Variants in ALKBH8 observed in about 807,000 individuals in gnomAD.
ALKBH8 encodes tRNA (carboxymethyluridine(34)-5-O)-methyltransferase ALKBH8.
In ALKBH8, 36 loss-of-function variants were observed where a neutral mutation model predicts 59.8. The observed-to-expected ratio is 0.60, with a 90% confidence interval of 0.46 to 0.79. The LOEUF is 0.79. Ranked by LOEUF, ALKBH8 falls within the 30% of genes least tolerant of loss-of-function variation. The probability of loss-of-function intolerance (pLI) is 0.00; values close to 1 mark genes in which losing one functional copy is unlikely to be tolerated. For synonymous variants in ALKBH8, 276 were observed against 273.6 expected (o/e 1.01, Z -0.09); for missense variants, 768 against 801.0 (o/e 0.96, Z 0.50).
intron 5 of ALKBH8, among the ~76,000 whole-genome samples, chr11:107,552,157 T>A (rs1286671585): frequency 6.6e-6 from 1 of 151,970 alleles, no homozygotes; most frequent in Non-Finnish European, 1.5e-5. Flanking sequence ...GTTTTGGTAT[T>A]TTATAAAATA....
intron 10 of ALKBH8, among the ~76,000 whole-genome samples, chr11:107,518,328 C>G (rs945241332): frequency 1.3e-5 from 2 of 152,190 alleles, no homozygotes; most frequent in Admixed American, 1.3e-4. Context: ...CAGAGTCTCA[C>G]TCTGTCACCC....
intron 1 of ALKBH8, 191 bp downstream of exon 1, chr11:107,565,410 A>G: frequency 1.4e-6 from 1 of 694,306 alleles, no homozygotes; most frequent in Non-Finnish European, 2.4e-6. Context: ...CATGCACCCT[A>G]AACACTGAGA....
chr11:107,549,260 A>G (rs1349994356), intron 7 of ALKBH8, among the ~76,000 whole-genome samples: 1 of 152,214 alleles, frequency 6.6e-6, no homozygotes, highest in African/African-American at 2.4e-5. Flanking sequence ...AAACAAATCA[A>G]TGAATAAACA....
chr11:107,521,622 A>T (rs529585113), intron 10 of ALKBH8, among the ~76,000 whole-genome samples: 1 of 152,172 alleles, frequency 6.6e-6, no homozygotes, highest in Non-Finnish European at 1.5e-5. Flanking sequence ...ACAATACACT[A>T]AAACAAGAAT....
At chr11:107,548,429 C>T (rs1864355069) in intron 7 of ALKBH8, among the ~76,000 whole-genome samples, 1 of 152,190 alleles carries the variant, frequency 6.6e-6, no homozygotes, top group Non-Finnish European at 1.5e-5. Context: ...TCTCATTTCT[C>T]AGTTGGTTAC....
chr11:107,529,577 T>C (rs928416576), intron 8 of ALKBH8, among the ~76,000 whole-genome samples: 1 of 151,942 alleles, frequency 6.6e-6, no homozygotes, highest in Non-Finnish European at 1.5e-5. Context: ...CGATCTTGGC[T>C]CACTGCAACC....
In ALKBH8 at chr11:107,549,792, A is replaced by T. The variant is rs999337532; in HGVS notation, c.732T>A (p.Ala244=). ...GIPAHIDTHS[A]FEDEIVSLSL... ...TGAGAGAAACGATCTCATCCTCAAA[A>T]GCGGAATGTGTATCAATATGAGCGG... The change falls in exon 7 of 12, where the codon GCT becomes GCA. Residue 244 remains alanine, a synonymous_variant. Transcript: ENST00000428149. 6.4e-7 allele frequency: 1 copy of T among 1,550,444 alleles called. No homozygotes were observed. Among genetic ancestry groups the T allele is most frequent in the Admixed American group, 2.0e-5 (1 of 50,980 alleles).
intron 3 of ALKBH8, among the ~76,000 whole-genome samples, chr11:107,555,501 C>T (rs1055550055): frequency 6.6e-6 from 1 of 152,144 alleles, no homozygotes; most frequent in East Asian, 1.9e-4. Context: ...ACTCAGTTTT[C>T]AAAAACTGAC....
chr11:107,523,063 A>G (rs1330725417), intron 9 of ALKBH8, among the ~76,000 whole-genome samples: 1 of 152,080 alleles, frequency 6.6e-6, no homozygotes, highest in East Asian at 1.9e-4. Flanking sequence ...AAAAAAAAAA[A>G]AAATTAAAAA....
At chr11:107,565,551 G>A (rs2135608643) in intron 1 of ALKBH8, 50 bp downstream of exon 1, 1 of 1,535,466 alleles carries the variant, frequency 6.5e-7, no homozygotes, top group Admixed American at 2.0e-5. Flanking sequence ...CTGAAAAGAG[G>A]AAGCGGTGAT....
chr11:107,515,537 T>C (rs1862826743), intron 10 of ALKBH8, among the ~76,000 whole-genome samples: 1 of 152,124 alleles, frequency 6.6e-6, no homozygotes, highest in Non-Finnish European at 1.5e-5. Context: ...TAAATTTCTT[T>C]GCAGAGTCAA....
chr11:107,508,294 T>A (rs1167808884), intron 11 of ALKBH8, among the ~76,000 whole-genome samples: 2 of 151,766 alleles, frequency 1.3e-5, no homozygotes, highest in Non-Finnish European at 2.9e-5. Context: ...TGTCTCAGTC[T>A]CCTGAGTAGC....
At chr11:107,508,716 T>C (rs1862499073) in intron 11 of ALKBH8, among the ~76,000 whole-genome samples, 1 of 152,212 alleles carries the variant, frequency 6.6e-6, no homozygotes, top group South Asian at 2.1e-4. Flanking sequence ...TTTCTGTCTC[T>C]ATGAATTTAA....
intron 10 of ALKBH8, among the ~76,000 whole-genome samples, chr11:107,516,845 G>A (rs934028283): frequency 6.6e-6 from 1 of 152,106 alleles, no homozygotes; most frequent in African/African-American, 2.4e-5. Flanking sequence ...GGGCAACATG[G>A]CAAAACCTCA....
chr11:107,525,586 C>T lies in ALKBH8; in HGVS notation c.885G>A (p.Thr295=), dbSNP rs1013416959. Residue 295 remains threonine (T), a synonymous_variant, in exon 9 of 12, where the codon ACG becomes ACA. Transcript: ENST00000428149. Reference sequence around the variant, plus strand: ...CTTGAACAGTATCAAATTTTCTGCACGTGATTCTAAAAACAATAGTCAAAA... The same window carrying T: ...CTTGAACAGTATCAAATTTTCTGCATGTGATTCTAAAAACAATAGTCAAAA... ...ESRYLWTHGI[T]CRKFDTVQAS... is the part of the protein sequence containing the mutation. The T allele has an allele frequency of 2.3e-5, 32 of 1,379,486 alleles. No individual in the cohort carries two copies. Among genetic ancestry groups the T allele is most frequent in the Middle Eastern group, 1.9e-4 (1 of 5,340 alleles). 85.5% of individuals were successfully genotyped at this position (1,379,486 alleles called of 1,614,324 possible).
At position 107,563,157 on chromosome 11, in the gene ALKBH8, T is replaced by TA. The variant is rs1256372930; in HGVS notation, c.-6-2259dup. Among the ~76,000 whole-genome samples, 4 of 152,318 alleles carry TA rather than the reference T, an allele frequency of 2.6e-5. No homozygotes were observed. In the East Asian group the frequency reaches 7.7e-4, roughly 29 times the overall value. On this transcript the variant is annotated intron_variant, in intron 1 of 11. Coordinates refer to ENST00000428149, the MANE Select transcript of ALKBH8 (RefSeq NM_138775.3). ...TGGCTCCTAGGAAAGGAACTGAGGT[T>TA]AAAAAGGTTTAGGAGTCAGTCGTCA...
intron 10 of ALKBH8, 50 bp from the exon 11 acceptor site, chr11:107,511,086 A>C: frequency 1.3e-6 from 2 of 1,533,494 alleles, no homozygotes; most frequent in Non-Finnish European, 1.8e-6. Flanking sequence ...TTCACATGAA[A>C]TTAAGAACTA....
intron 11 of ALKBH8, among the ~76,000 whole-genome samples, chr11:107,508,081 T>A (rs1436279925): frequency 1.3e-5 from 2 of 152,008 alleles, no homozygotes; most frequent in Non-Finnish European, 2.9e-5. Flanking sequence ...CCTCCTCCAC[T>A]AAACTATGAG....
intron 7 of ALKBH8, among the ~76,000 whole-genome samples, chr11:107,548,902 G>A (rs144872973): frequency 2.8e-4 from 43 of 151,754 alleles, no homozygotes; most frequent in African/African-American, 9.9e-4. Flanking sequence ...CCGGGCTGGA[G>A]TGCAGTGGCG....
Sources: gnomAD v4.1 joint callset for allele counts (sites outside exome capture counted in the v4.1 genomes callset) on GRCh38, gnomAD v4.1.1 for gene constraint, MANE v1.5 for transcripts, NCBI Gene and HGNC (gene_info 2026-07-23, HGNC 2026-07-21) for gene names.